TFCP2: variants seen among roughly 807,000 people sequenced by gnomAD.
TFCP2 encodes transcription factor CP2, also known as alpha-globin transcription factor CP2.
In TFCP2, 33 loss-of-function variants were observed where a neutral mutation model predicts 73.4. The observed-to-expected ratio is 0.45, with a 90% confidence interval of 0.34 to 0.60. The LOEUF is 0.60. Ranked by LOEUF, TFCP2 falls within the 20% of genes least tolerant of loss-of-function variation. The probability of loss-of-function intolerance (pLI) is 0.01; values close to 1 mark genes in which losing one functional copy is unlikely to be tolerated. For missense variants in TFCP2, 352 were observed against 604.0 expected (o/e 0.58, Z 4.37); for synonymous variants, 193 against 211.6 (o/e 0.91, Z 0.76).
intron 1 of TFCP2, among the ~76,000 whole-genome samples, chr12:51,151,357 A>C (rs1941419748): frequency 6.6e-6 from 1 of 152,212 alleles, no homozygotes; most frequent in Non-Finnish European, 1.5e-5. Context: ...ATAATTTATC[A>C]CTAAAACAGG....
At chr12:51,097,968 T>C (rs1459697251) in intron 13 of TFCP2, among the ~76,000 whole-genome samples, 2 of 150,178 alleles carry the variant, frequency 1.3e-5, no homozygotes, top group African/African-American at 4.9e-5. Context: ...TGAGCCGAGA[T>C]CACACCACCG....
rs117161003 is a variant in TFCP2, at chr12:51,100,618, C to A, written c.1152-839G>T. On this transcript the variant is annotated intron_variant, in intron 11 of 14. Transcript: ENST00000257915. ...ATTGCTTGAGCTCAGGAGTTTGAGA[C>A]CAGCCAGGGGAACACGGCAAAACCC... is the stretch of plus-strand genomic sequence containing the variant. Among the ~76,000 whole-genome samples, 571 of 152,172 alleles carry A rather than the reference C, an allele frequency of 3.8e-3. 1 individual carries two copies. The highest frequency in any genetic ancestry group is 0.036 in the East Asian group (184 of 5,172).
Position 51,107,292 on chromosome 12 carries a change from T to C in TFCP2, c.772A>G (p.Thr258Ala), listed in dbSNP as rs1225642545. The change falls in exon 7 of 15, where the codon ACA becomes GCA. Residue 258 changes from threonine (T) to alanine (A), a missense_variant. Thr to Ala is a moderately conservative substitution (Grantham distance 58). Around this residue, in one of 6 missense-constraint regions of TFCP2, gnomAD observed 47 missense variants for 89.1 expected, o/e 0.53. Transcript: ENST00000257915. Reference sequence around the variant, plus strand: ...TGATATTTCTCCTTTTCATGAGGTGTTCGTTTCTCCATTTTTTCCCTATCC... The same window carrying C: ...TGATATTTCTCCTTTTCATGAGGTGCTCGTTTCTCCATTTTTTCCCTATCC... ...KTDREKMEKR[T>A]PHEKEKYQPS... is the part of the protein sequence containing the mutation. 8.1e-6 allele frequency: 13 copies of C among 1,613,378 alleles called. No homozygotes were observed. Among genetic ancestry groups the C allele is most frequent in the Non-Finnish European group, 1.1e-5 (13 of 1,179,928 alleles).
intron 1 of TFCP2, among the ~76,000 whole-genome samples, chr12:51,146,379 C>T (rs1414186909): frequency 6.6e-6 from 1 of 151,806 alleles, no homozygotes; most frequent in Admixed American, 6.6e-5. Flanking sequence ...CTCCCTCCCC[C>T]ACCCCATACC....
At chr12:51,164,877 TAAAC>T (rs1340515995) in intron 1 of TFCP2, among the ~76,000 whole-genome samples, 1 of 152,098 alleles carries the variant, frequency 6.6e-6, no homozygotes, top group African/African-American at 2.4e-5. Flanking sequence ...ATTGAATTGA[TAAAC>T]AAAAACCTCC....
intron 1 of TFCP2, among the ~76,000 whole-genome samples, chr12:51,150,881 A>C (rs534218310): frequency 6.6e-6 from 1 of 152,354 alleles, no homozygotes; most frequent in East Asian, 1.9e-4. Flanking sequence ...CAGAGGGTAG[A>C]GAACAAAAGA....
chr12:51,161,194 C>G (rs1238925975), intron 1 of TFCP2, among the ~76,000 whole-genome samples: 3 of 152,036 alleles, frequency 2.0e-5, no homozygotes, highest in Non-Finnish European at 4.4e-5. Flanking sequence ...CAGATATACA[C>G]TCTTTGCAAA....
intron 1 of TFCP2, among the ~76,000 whole-genome samples, chr12:51,164,541 G>A (rs1001429677): frequency 3.4e-5 from 5 of 147,708 alleles, no homozygotes; most frequent in African/African-American, 1.2e-4. Flanking sequence ...AGGTTGCAGT[G>A]AGCTGAGATC....
At chr12:51,116,852 G>C (rs923400577) in intron 3 of TFCP2, among the ~76,000 whole-genome samples, 1 of 152,080 alleles carries the variant, frequency 6.6e-6, no homozygotes, top group Non-Finnish European at 1.5e-5. Flanking sequence ...CCCAACCTCA[G>C]GCGACCCGCC....
At chr12:51,165,583 G>A (rs1402165117) in intron 1 of TFCP2, among the ~76,000 whole-genome samples, 1 of 152,150 alleles carries the variant, frequency 6.6e-6, no homozygotes, top group Admixed American at 6.6e-5. Context: ...GTAGAATGGT[G>A]GTTGCCAGAG....
intron 6 of TFCP2, 141 bp downstream of exon 6, chr12:51,108,980 T>C: frequency 1.1e-6 from 1 of 907,762 alleles, no homozygotes; most frequent in Non-Finnish European, 1.6e-6. Flanking sequence ...TTGGTAATTA[T>C]TTCAATGACT....
chr12:51,117,845 A>G (rs1940567335), intron 2 of TFCP2, 98 bp from the exon 3 acceptor site: 1 of 716,270 alleles, frequency 1.4e-6, no homozygotes, highest in African/African-American at 1.8e-5. Flanking sequence ...CAACAGTATA[A>G]TAATATTATT....
intron 1 of TFCP2, among the ~76,000 whole-genome samples, chr12:51,124,424 T>A (rs1399349690): frequency 6.7e-6 from 1 of 149,132 alleles, no homozygotes; most frequent in Non-Finnish European, 1.5e-5. Context: ...CTTCTTCTTC[T>A]TTTTTTTTTA....
chr12:51,146,969 G>A (rs1018958360), intron 1 of TFCP2, among the ~76,000 whole-genome samples: 1 of 152,232 alleles, frequency 6.6e-6, no homozygotes, highest in African/African-American at 2.4e-5. Context: ...CAAGTACATA[G>A]TAGGCACTCA....
At chr12:51,107,049 A>G in intron 7 of TFCP2, 187 bp downstream of exon 7, 1 of 627,126 alleles carries the variant, frequency 1.6e-6, no homozygotes, top group Non-Finnish European at 2.8e-6. Context: ...ACTTGGACAC[A>G]GAGACAGTGG....
chr12:51,132,090 G>A (rs1227713803), intron 1 of TFCP2, among the ~76,000 whole-genome samples: 1 of 151,998 alleles, frequency 6.6e-6, no homozygotes, highest in Non-Finnish European at 1.5e-5. Flanking sequence ...AACTGCTTGT[G>A]GGGGAAATGA....
At position 51,099,760 on chromosome 12, in the gene TFCP2, T is replaced by C; in HGVS notation, c.1171A>G (p.Thr391Ala). The C allele has an allele frequency of 6.2e-7, 1 of 1,614,180 alleles. No homozygotes were observed. The highest frequency in any genetic ancestry group is 1.1e-5 in the South Asian group (1 of 91,084). ...AGTGATTCCTGACAAACATAAATGG[T>C]TAACCTTGGACGCACCATCCTAAGG... ...LKGRMVRPRLTIYVCQESLQL... is the reference protein window; with the variant it reads ...LKGRMVRPRLAIYVCQESLQL... The change falls in exon 12 of 15, where the codon ACC becomes GCC. Residue 391 changes from threonine to alanine, a missense_variant. Around this residue, in one of 6 missense-constraint regions of TFCP2, gnomAD observed 194 missense variants for 256.3 expected, o/e 0.76. Transcript: ENST00000257915.
intron 1 of TFCP2, chr12:51,157,012 T>TC (rs1307267630): frequency 6.1e-5 from 2 of 33,016 alleles, no homozygotes; most frequent in Non-Finnish European, 1.7e-4. Context: ...ATAATCTCTT[T>TC]TTTTTCTTTT....
At chr12:51,105,852 G>C (rs763728446) in intron 8 of TFCP2, among the ~76,000 whole-genome samples, 4 of 152,216 alleles carry the variant, frequency 2.6e-5, no homozygotes, top group Middle Eastern at 3.4e-3. Context: ...TCGCACATTT[G>C]GTAGCCTAAC....
Sources: allele counts gnomAD v4.1 joint callset (sites outside exome capture counted in the v4.1 genomes callset), GRCh38; gene constraint gnomAD v4.1.1; regional missense constraint gnomAD v4.1.1; transcripts MANE v1.5; gene names NCBI Gene and HGNC (gene_info 2026-07-23, HGNC 2026-07-21).